Variants in BDP1 observed in about 807,000 individuals in gnomAD.
BDP1 encodes the protein BDP1 general transcription factor IIIB subunit, also known as transcription factor TFIIIB component B'' homolog.
Under a neutral mutation model 266.6 loss-of-function variants are expected in BDP1, and 169 were observed. The ratio of observed to expected loss-of-function variants is 0.63; its 90% CI spans 0.56 to 0.72. The LOEUF (loss-of-function observed/expected upper bound fraction) is 0.72. BDP1 is among the 30% of genes least tolerant of loss of function. BDP1 has a pLI of 0.00. For missense variants in BDP1, 3,015 were observed against 3,053.8 expected, an observed-to-expected ratio of 0.99 and a Z score of 0.30; for synonymous variants, 1,090 against 1,022.4, an observed-to-expected ratio of 1.07 and a Z score of -1.26.
rs1742592321 is a variant in BDP1 at position 71,549,507 on chromosome 5, A to G, written c.6896A>G (p.Glu2299Gly). 1 of 1,614,036 alleles carries G rather than the reference A, an allele frequency of 6.2e-7. No homozygotes were observed. Among genetic ancestry groups the G allele is most frequent in the South Asian group, 1.1e-5 (1 of 91,086 alleles). ...TLVEIPANAV[E>G]EFTDATAQFM... is the part of the protein sequence containing the mutation. ...GTGGAAATCCCAGCCAATGCAGTAG[A>G]AGAATTTACTGATGCCACTGCACAG... Residue 2299 changes from glutamate (E) to glycine (G), a missense_variant, in exon 34 of 39, where the codon GAA (glutamate) becomes GGA (glycine). Glu to Gly is a moderately conservative substitution (Grantham distance 98, BLOSUM62 -2). This residue lies in a region of BDP1 where 629 missense variants were observed against 632.5 expected (regional missense o/e 0.99). Transcript: ENST00000358731.
intron 21 of BDP1, among the ~76,000 whole-genome samples, chr5:71,516,638 A>C (rs879485433): frequency 3.9e-5 from 6 of 152,184 alleles, no homozygotes; most frequent in Non-Finnish European, 8.8e-5. Context: ...ACGTACTATA[A>C]CTTTCTGTTA....
intron 34 of BDP1, among the ~76,000 whole-genome samples, chr5:71,549,894 G>A (rs1742623139): frequency 1.3e-5 from 2 of 152,236 alleles, no homozygotes; most frequent in African/African-American, 4.8e-5. Flanking sequence ...TGTTAAAAGT[G>A]TGGTTACTTT....
intron 3 of BDP1, 30 bp downstream of exon 3, chr5:71,461,956 CTCTTTT>C: frequency 1.4e-6 from 1 of 725,314 alleles, no homozygotes; most frequent in African/African-American, 2.1e-5. Flanking sequence ...GCTTTACTAT[CTCTTTT>C]TTTTTTTTTT....
chr5:71,500,316 C>CTT (rs58201517), intron 13 of BDP1, among the ~76,000 whole-genome samples: 10 of 73,112 alleles, frequency 1.4e-4, no homozygotes, highest in Admixed American at 2.9e-4. Context: ...AATCTTGTTT[C>CTT]TTTTTTTTTT....
intron 12 of BDP1, 59 bp from the exon 13 acceptor site, chr5:71,497,211 G>T: frequency 1.4e-6 from 2 of 1,470,794 alleles, no homozygotes; most frequent in South Asian, 2.5e-5. Flanking sequence ...GGTTATTTTA[G>T]AAGTTCATTT....
chr5:71,554,058 C>T (rs775634508), intron 35 of BDP1, among the ~76,000 whole-genome samples: 6 of 152,196 alleles, frequency 3.9e-5, no homozygotes, highest in Non-Finnish European at 7.3e-5. Flanking sequence ...TAATTTGTAA[C>T]TACACTATGG....
chr5:71,487,112 C>T, intron 9 of BDP1, among the ~76,000 whole-genome samples: 1 of 152,100 alleles, frequency 6.6e-6, no homozygotes. Flanking sequence ...CTTATGTTTT[C>T]TTAACTATTT....
intron 6 of BDP1, 82 bp from the exon 7 acceptor site, chr5:71,470,313 C>T: frequency 9.9e-7 from 1 of 1,005,652 alleles, no homozygotes; most frequent in African/African-American, 1.6e-5. Context: ...AAATTAAGTA[C>T]TGTCAAATTC....
chr5:71,539,533 A>G, intron 27 of BDP1, 24 bp from the exon 28 acceptor site: 6 of 1,548,888 alleles, frequency 3.9e-6, no homozygotes, highest in African/African-American at 1.4e-5. Flanking sequence ...TCTTTTTTTT[A>G]ATGTTGATAT....
At position 71,532,504 on chromosome 5, in the gene BDP1, C is replaced by T. The variant is rs377274913; in HGVS notation, c.5892+77C>T. Reference sequence around the variant, plus strand: ...AAAGACTGGAGGTTCCTTTTGATAGCTTTAGGTTTATAAACACTTTACTTA... The same window carrying T: ...AAAGACTGGAGGTTCCTTTTGATAGTTTTAGGTTTATAAACACTTTACTTA... On this transcript the variant is annotated intron_variant, in intron 26 of 38. Coordinates refer to ENST00000358731, the MANE Select transcript of BDP1 (RefSeq NM_018429.3). 1.3e-5 allele frequency: 18 copies of T among 1,432,306 alleles called. No homozygotes were observed. In the African/African-American group the frequency reaches 1.8e-4, roughly 15 times the overall value. 88.7% of individuals were successfully genotyped at this position (1,432,306 alleles called of 1,614,324 possible).
chr5:71,495,129 C>T, intron 11 of BDP1, 121 bp from the exon 12 acceptor site: 2 of 536,476 alleles, frequency 3.7e-6, no homozygotes, highest in East Asian at 3.1e-5. Flanking sequence ...TTGTATTACT[C>T]TATAATGTGA....
chr5:71,483,879 G>A lies in BDP1; in HGVS notation c.1052G>A (p.Arg351Lys), dbSNP rs776139114. Residue 351 changes from arginine (R) to lysine (K), a missense_variant, in exon 8 of 39, where the codon AGA becomes AAA. Arg to Lys is a conservative substitution (Grantham distance 26). Transcript: ENST00000358731. ...FKREEKTNGW[R>K]IDKAFQEKRP... Reference sequence around the variant, plus strand: ...CGGGAAGAGAAAACAAATGGATGGAGAATAGACAAAGCATTCCGTAAGTAT... The same window carrying A: ...CGGGAAGAGAAAACAAATGGATGGAAAATAGACAAAGCATTCCGTAAGTAT... 2.5e-6 allele frequency: 4 copies of A among 1,610,928 alleles called. No homozygotes were observed. The highest frequency in any genetic ancestry group is 3.4e-6 in the Non-Finnish European group (4 of 1,177,654).
chr5:71,544,216 T>C (rs1742083385), intron 30 of BDP1, 141 bp from the exon 31 acceptor site: 1 of 703,882 alleles, frequency 1.4e-6, no homozygotes, highest in Admixed American at 3.0e-5. Flanking sequence ...CTGCCATGTG[T>C]ATAAGCCTGA....
chr5:71,546,847 T>G (rs1003202266), intron 32 of BDP1, among the ~76,000 whole-genome samples: 2 of 117,922 alleles, frequency 1.7e-5, no homozygotes, highest in Non-Finnish European at 3.9e-5. Context: ...ATGTCCATTA[T>G]AGCTTTTTTT....
chr5:71,562,673 T>C, intron 38 of BDP1, 153 bp downstream of exon 38: 2 of 1,485,016 alleles, frequency 1.3e-6, no homozygotes, highest in Non-Finnish European at 1.8e-6. Context: ...TCCTCCATAA[T>C]GGAAGAAGAA....
chr5:71,532,262 T>C, intron 25 of BDP1, 46 bp from the exon 26 acceptor site: 13 of 1,573,692 alleles, frequency 8.3e-6, no homozygotes, highest in Non-Finnish European at 1.1e-5. Flanking sequence ...TTTGTTTTGC[T>C]GTTTATAATA....
At position 71,504,682 on chromosome 5, in the gene BDP1, A is replaced by T. The variant is rs760823195; in HGVS notation, c.2303A>T (p.Gln768Leu). The T allele has an allele frequency of 1.2e-6, 2 of 1,613,608 alleles. No individual in the cohort carries two copies. Among genetic ancestry groups the T allele is most frequent in the African/African-American group, 1.3e-5 (1 of 75,042 alleles). The change falls in exon 16 of 39, where the codon CAG becomes CTG. Residue 768 changes from glutamine to leucine, a missense_variant. Around this residue, in one of 3 missense-constraint regions of BDP1, gnomAD observed 2,383 missense variants for 2,404.9 expected, o/e 0.99. Coordinates refer to ENST00000358731, the MANE Select transcript of BDP1 (RefSeq NM_018429.3). ...TTTGAAGAGGAAGATGTCATATTAC[A>T]GCCTGAGAAAAATGATTCTTTTCAA... Reference protein sequence around the residue: ...KDFEEEDVILQPEKNDSFQNV... With the variant: ...KDFEEEDVILLPEKNDSFQNV...
intron 16 of BDP1, among the ~76,000 whole-genome samples, chr5:71,508,594 T>G (rs1477767636): frequency 6.6e-6 from 1 of 152,176 alleles, no homozygotes; most frequent in Non-Finnish European, 1.5e-5. Context: ...CAATACGTCT[T>G]TTTTTAAGCT....
intron 32 of BDP1, among the ~76,000 whole-genome samples, chr5:71,546,757 C>G (rs1470543399): frequency 6.6e-6 from 1 of 151,882 alleles, no homozygotes; most frequent in Non-Finnish European, 1.5e-5. Flanking sequence ...TTGTCACACT[C>G]AGTATTACTA....
Sources: gnomAD v4.1 joint callset for allele counts (sites outside exome capture counted in the v4.1 genomes callset) on GRCh38, gnomAD v4.1.1 for gene constraint, gnomAD v4.1.1 regional missense constraint, MANE v1.5 for transcripts, NCBI Gene and HGNC (gene_info 2026-07-23, HGNC 2026-07-21) for gene names.